Variants in CNTNAP2 observed in about 807,000 individuals in gnomAD.
CNTNAP2 encodes the protein contactin associated protein 2.
A neutral mutation model predicts 155.2 loss-of-function variants in CNTNAP2; 98 were observed. The observed-to-expected ratio is 0.63, with a 90% CI of 0.54 to 0.75. The LOEUF (loss-of-function observed/expected upper bound fraction) is 0.75, where lower values mean the gene tolerates loss of function less well. Among genes scored for constraint, CNTNAP2 ranks in the 30% least tolerant of loss-of-function variants. The pLI, the probability that CNTNAP2 is intolerant of heterozygous loss-of-function variation, is 0.00. For synonymous variants in CNTNAP2, 651 were observed against 631.2 expected (o/e 1.03, Z -0.47); for missense variants, 1,727 against 1,688.1 (o/e 1.02, Z -0.40).
chr7:146,885,622 G>C (rs1218477351), intron 3 of CNTNAP2, among the ~76,000 whole-genome samples: 2 of 152,060 alleles, frequency 1.3e-5, no homozygotes, highest in African/African-American at 4.8e-5. Flanking sequence ...ATCTTACAGA[G>C]AAAGTTTCAG....
intron 21 of CNTNAP2, among the ~76,000 whole-genome samples, chr7:148,361,040 C>T (rs1460026853): frequency 6.6e-6 from 1 of 152,078 alleles, no homozygotes; most frequent in African/African-American, 2.4e-5. Context: ...AACTCCTAAC[C>T]TCAGGTGATC....
intron 13 of CNTNAP2, among the ~76,000 whole-genome samples, chr7:147,767,289 G>A (rs185706837): frequency 1.9e-3 from 285 of 151,918 alleles, no homozygotes; most frequent in Middle Eastern, 6.8e-3. Flanking sequence ...AACCTCAAAC[G>A]CTTCTCAGAC....
chr7:147,455,962 AAATTC>A (rs905605864), intron 10 of CNTNAP2, among the ~76,000 whole-genome samples: 13 of 152,142 alleles, frequency 8.5e-5, no homozygotes, highest in African/African-American at 3.1e-4. Context: ...GCATCAGACA[AAATTC>A]AATACTAGTA....
chr7:146,686,997 G>A (rs772408506), intron 1 of CNTNAP2, among the ~76,000 whole-genome samples: 2 of 152,134 alleles, frequency 1.3e-5, no homozygotes, highest in Admixed American at 6.6e-5. Context: ...TGCCAATAAG[G>A]TGCGTTAGTT....
intron 1 of CNTNAP2, among the ~76,000 whole-genome samples, chr7:146,184,869 A>G (rs1798600273): frequency 6.6e-6 from 1 of 152,204 alleles, no homozygotes. Flanking sequence ...ACATTTCTAA[A>G]TTGAGTGAGA....
intron 1 of CNTNAP2, among the ~76,000 whole-genome samples, chr7:146,163,585 C>CTATCTATATATATATATATATATATATA (rs1354076042): frequency 1.6e-4 from 15 of 91,208 alleles, no homozygotes; most frequent in African/African-American, 5.2e-4. Context: ...ATCTATCTAT[C>CTATCTATATATATATATATATATATATA]TATATATATA....
Position 148,109,738 on chromosome 7 carries a change from A to T in CNTNAP2, c.2384-8380A>T, listed in dbSNP as rs1259544501. On this transcript the variant is annotated intron_variant, in intron 15 of 23. Transcript: ENST00000361727. ...ATCGCCAGATCAACTCAAACTTACA[A>T]AGTTTTCCAGAGCTTACATACCTTG... 2.0e-5 allele frequency among the ~76,000 whole-genome samples: 3 copies of T among 152,138 alleles called. No homozygotes were observed. In the East Asian group the frequency reaches 5.8e-4, roughly 29 times the overall value.
chr7:146,997,812 C>T (rs1224314934), intron 3 of CNTNAP2, among the ~76,000 whole-genome samples: 1 of 152,020 alleles, frequency 6.6e-6, no homozygotes, highest in Non-Finnish European at 1.5e-5. Flanking sequence ...TTGATTTCTC[C>T]TAGGTTATCC....
intron 1 of CNTNAP2, among the ~76,000 whole-genome samples, chr7:146,168,412 A>G (rs1336950470): frequency 1.3e-5 from 2 of 152,146 alleles, no homozygotes; most frequent in Non-Finnish European, 2.9e-5. Context: ...TTGGAAGTGT[A>G]TGCTCATACA....
chr7:146,393,463 T>C (rs1166492144), intron 1 of CNTNAP2, among the ~76,000 whole-genome samples: 1 of 152,140 alleles, frequency 6.6e-6, no homozygotes, highest in African/African-American at 2.4e-5. Flanking sequence ...TCTTGCATTG[T>C]GAGGTTAATA....
At chr7:147,968,166 G>T (rs1180501475) in intron 14 of CNTNAP2, among the ~76,000 whole-genome samples, 4 of 152,144 alleles carry the variant, frequency 2.6e-5, no homozygotes, top group African/African-American at 4.8e-5. Flanking sequence ...CAATATATCT[G>T]CCCTCAGGGA....
chr7:147,695,467 C>A (rs1481595245), intron 13 of CNTNAP2, among the ~76,000 whole-genome samples: 1 of 152,134 alleles, frequency 6.6e-6, no homozygotes, highest in African/African-American at 2.4e-5. Flanking sequence ...GGGACTTAAT[C>A]TAATTCTCTG....
chr7:147,724,151 C>G (rs559008049), intron 13 of CNTNAP2, among the ~76,000 whole-genome samples: 1 of 151,840 alleles, frequency 6.6e-6, no homozygotes, highest in Non-Finnish European at 1.5e-5. Flanking sequence ...TAGTTTATTA[C>G]GTTCAAAAAA....
At chr7:146,366,291 A>T (rs976485607) in intron 1 of CNTNAP2, among the ~76,000 whole-genome samples, 3 of 152,236 alleles carry the variant, frequency 2.0e-5, no homozygotes, top group Admixed American at 2.0e-4. Context: ...AATTTTTTAA[A>T]TGCCAGAATT....
chr7:146,875,968 A>C lies in CNTNAP2; in HGVS notation c.402+36064A>C, dbSNP rs1272425213. ...AAAAAAAAAAAAAAAAAAACAAAAA[A>C]CAAAAAAACGAGAAGAAGAACAAAA... On this transcript the variant is annotated intron_variant, in intron 3 of 23. Coordinates refer to ENST00000361727, the MANE Select transcript of CNTNAP2 (RefSeq NM_014141.6). Among the ~76,000 whole-genome samples the C allele has an allele frequency of 2.7e-5, 4 of 149,394 alleles. 1 individual carries two copies. The highest frequency in any genetic ancestry group is 5.9e-5 in the Non-Finnish European group (4 of 67,288).
intron 8 of CNTNAP2, among the ~76,000 whole-genome samples, chr7:147,162,958 T>A (rs1252986961): frequency 6.6e-6 from 1 of 152,166 alleles, no homozygotes; most frequent in African/African-American, 2.4e-5. Context: ...CACTTCATCC[T>A]GGACCAGCAG....
chr7:148,177,457 G>A (rs889347614), intron 18 of CNTNAP2, among the ~76,000 whole-genome samples: 5 of 152,186 alleles, frequency 3.3e-5, no homozygotes, highest in African/African-American at 4.8e-5. Flanking sequence ...TCGAAGAAGC[G>A]TAGCCCTGAG....
chr7:146,809,375 T>C (rs1299194148), intron 2 of CNTNAP2, among the ~76,000 whole-genome samples: 1 of 151,724 alleles, frequency 6.6e-6, no homozygotes, highest in Non-Finnish European at 1.5e-5. Flanking sequence ...TTTTGTTTTG[T>C]TTTTGAGATG....
At chr7:147,302,877 T>C (rs571926766) in intron 9 of CNTNAP2, among the ~76,000 whole-genome samples, 47 of 152,296 alleles carry the variant, frequency 3.1e-4, no homozygotes, top group African/African-American at 1.1e-3. Flanking sequence ...AAATGAACAA[T>C]TATTACCAAG....
Sources: gnomAD v4.1 joint callset for allele counts (sites outside exome capture counted in the v4.1 genomes callset) on GRCh38, gnomAD v4.1.1 for gene constraint, MANE v1.5 for transcripts, NCBI Gene and HGNC (gene_info 2026-07-23, HGNC 2026-07-21) for gene names.